Variants in CES1 observed in about 807,000 individuals in gnomAD.
CES1 encodes liver carboxylesterase 1.
A neutral mutation model predicts 53.0 loss-of-function variants in CES1; 50 were observed. The ratio of observed to expected loss-of-function variants is 0.94; its 90% CI spans 0.75 to 1.19. CES1 has a LOEUF of 1.19. CES1 is among the 50% of genes most tolerant of loss of function. The pLI, the probability that CES1 is intolerant of heterozygous loss-of-function variation, is 0.00. For missense variants in CES1, 534 were observed against 538.0 expected (o/e 0.99, Z 0.07); for synonymous variants, 202 against 210.1 (o/e 0.96, Z 0.33).
intron 8 of CES1, among the ~76,000 whole-genome samples, chr16:55,814,659 A>C (rs1217879391): frequency 3.3e-5 from 5 of 152,352 alleles, no homozygotes; most frequent in Non-Finnish European, 5.9e-5. Flanking sequence ...TCCTCTGTGG[A>C]ATCTTCCCAG....
At chr16:55,820,798 C>T (rs569841915) in intron 5 of CES1, among the ~76,000 whole-genome samples, 2 of 152,108 alleles carry the variant, frequency 1.3e-5, no homozygotes, top group East Asian at 1.9e-4. Flanking sequence ...TCCATCCCTC[C>T]TTCCTCTGCC....
intron 11 of CES1, among the ~76,000 whole-genome samples, chr16:55,809,093 C>T (rs374902707): frequency 6.9e-5 from 5 of 72,064 alleles, no homozygotes; most frequent in Admixed American, 1.8e-4. Context: ...GTAGTCCTGG[C>T]AAAAAAAAAA....
At chr16:55,810,306 A>T (rs1387374267) in intron 11 of CES1, among the ~76,000 whole-genome samples, 1 of 152,022 alleles carries the variant, frequency 6.6e-6, no homozygotes, top group African/African-American at 2.4e-5. Flanking sequence ...TCATCACCTT[A>T]AAAAAACCAC....
chr16:55,818,241 T>G (rs574499998), intron 7 of CES1, among the ~76,000 whole-genome samples: 58 of 152,328 alleles, frequency 3.8e-4, no homozygotes, highest in African/African-American at 1.3e-3. Context: ...GTCCTCCTGG[T>G]CTTCCCTGTG....
chr16:55,817,608 T>C (rs1212252798), intron 7 of CES1, among the ~76,000 whole-genome samples: 2 of 152,146 alleles, frequency 1.3e-5, no homozygotes, highest in Non-Finnish European at 2.9e-5. Context: ...ATGTAACCAG[T>C]GCAGGTCCCT....
At chr16:55,816,766 G>A (rs1208137716) in intron 8 of CES1, among the ~76,000 whole-genome samples, 158 bp downstream of exon 8, 1 of 152,188 alleles carries the variant, frequency 6.6e-6, no homozygotes, top group African/African-American at 2.4e-5. Context: ...CTTCCTGGCT[G>A]TGTTACCCAG....
intron 1 of CES1, among the ~76,000 whole-genome samples, chr16:55,832,600 A>T (rs2032726225): frequency 6.6e-6 from 1 of 152,202 alleles, no homozygotes. Context: ...CACAGCGAGG[A>T]AGCGCCCAGC....
chr16:55,813,092 C>T (rs369811458), intron 8 of CES1, 49 bp from the exon 9 acceptor site: 24 of 1,611,628 alleles, frequency 1.5e-5, no homozygotes, highest in East Asian at 6.7e-5. Flanking sequence ...TAGTCACACC[C>T]ATGTCCCCAA....
intron 1 of CES1, among the ~76,000 whole-genome samples, chr16:55,831,248 GC>G (rs2032657500): frequency 6.6e-6 from 1 of 152,146 alleles, no homozygotes; most frequent in Admixed American, 6.5e-5. Flanking sequence ...TGTCTTTGAA[GC>G]CCAGGGAGCA....
In CES1 at chr16:55,816,605, G is replaced by A. The variant is rs536296574; in HGVS notation, c.945+319C>T. Among the ~76,000 whole-genome samples the A allele has an allele frequency of 4.6e-5, 7 of 152,318 alleles. No individual in the cohort carries two copies. The East Asian group carries it at 7.7e-4, about 17-fold the overall frequency. On this transcript the variant is annotated intron_variant, in intron 8 of 13. Coordinates refer to ENST00000360526, the MANE Select transcript of CES1 (RefSeq NM_001025195.2). ...TTATCTCTGCCTCCTGATTGTGGAAGGTTCTGTTTCAGCCTCCTCCTACAG... is the reference window on the plus strand; with the variant it reads ...TTATCTCTGCCTCCTGATTGTGGAAAGTTCTGTTTCAGCCTCCTCCTACAG...
chr16:55,832,259 C>T (rs2032712865), intron 1 of CES1, among the ~76,000 whole-genome samples: 1 of 152,184 alleles, frequency 6.6e-6, no homozygotes, highest in Non-Finnish European at 1.5e-5. Context: ...CCTCCCCAGG[C>T]TCTGCTGCTT....
chr16:55,830,116 G>A (rs180732646), intron 1 of CES1, among the ~76,000 whole-genome samples: 99 of 152,334 alleles, frequency 6.5e-4, no homozygotes, highest in African/African-American at 2.3e-3. Context: ...AAAGTGTGGG[G>A]CTAGAGCAGA....
chr16:55,812,842 C>T, intron 9 of CES1, 61 bp downstream of exon 9: 1 of 1,609,756 alleles, frequency 6.2e-7, no homozygotes, highest in Non-Finnish European at 8.5e-7. Context: ...ATTCCTGGGA[C>T]CAGAGACAGG....
chr16:55,830,996 G>C (rs1451881576), intron 1 of CES1, among the ~76,000 whole-genome samples: 19 of 152,272 alleles, frequency 1.2e-4, no homozygotes, highest in South Asian at 2.1e-4. Context: ...GTGGAGATGT[G>C]AGTGGGATAT....
Position 55,821,418 on chromosome 16 carries a change from A to G in CES1, c.643T>C (p.Ser215Pro), listed in dbSNP as rs759880830. ...GCTGACTCTCCAAAGATGGTCACAGAGCCTGGGTTCCCTCCAAAGCTGGCA... is the reference window on the plus strand; with the variant it reads ...GCTGACTCTCCAAAGATGGTCACAGGGCCTGGGTTCCCTCCAAAGCTGGCA... ...NIASFGGNPGSVTIFGESAGG... is the reference protein window; with the variant it reads ...NIASFGGNPGPVTIFGESAGG... Residue 215 changes from serine (S) to proline (P), a missense_variant, in exon 5 of 14, where the codon TCT becomes CCT. This residue lies in a region of CES1 where 85 missense variants were observed against 81.9 expected (regional missense o/e 1.04). Coordinates refer to ENST00000360526, the MANE Select transcript of CES1 (RefSeq NM_001025195.2). The G allele has an allele frequency of 2.5e-6, 4 of 1,614,206 alleles. No homozygotes were observed. Among genetic ancestry groups the G allele is most frequent in the Middle Eastern group, 1.6e-4 (1 of 6,062 alleles).
chr16:55,809,834 T>C lies in CES1; in HGVS notation c.1318+683A>G, dbSNP rs28403554. On this transcript the variant is annotated intron_variant, in intron 11 of 13. Coordinates refer to ENST00000360526, the MANE Select transcript of CES1 (RefSeq NM_001025195.2). Reference sequence around the variant, plus strand: ...GCAGCTGGCTCAGACCTTAAAACCCTTCCACGACTCATCTTTCAATATTTG... The same window carrying C: ...GCAGCTGGCTCAGACCTTAAAACCCCTCCACGACTCATCTTTCAATATTTG... Among the ~76,000 whole-genome samples the C allele has an allele frequency of 7.2e-3, 1,098 of 152,308 alleles. 17 individuals carry two copies. The highest frequency in any genetic ancestry group is 0.025 in the African/African-American group (1,058 of 41,540).
Position 55,811,002 on chromosome 16 carries a change from C to T in CES1, c.1095G>A (p.Met365Ile), listed in dbSNP as rs747321428. ...EFGWLIPMQL[M>I]SYPLSEGQLD... Reference sequence around the variant, plus strand: ...GTTGCCCTTCGGAGAGTGGATAGCTCATCAACTGCTAAAAAAAAAAAAAAG... The same window carrying T: ...GTTGCCCTTCGGAGAGTGGATAGCTTATCAACTGCTAAAAAAAAAAAAAAG... Residue 365 changes from methionine (M) to isoleucine (I), a missense_variant, in exon 10 of 14, where the codon ATG (methionine) becomes ATA (isoleucine). Physicochemically the swap from Met to Ile is conservative, Grantham distance 10. Around this residue, in one of 5 missense-constraint regions of CES1, gnomAD observed 269 missense variants for 206.6 expected, o/e 1.30. Coordinates refer to ENST00000360526, the MANE Select transcript of CES1 (RefSeq NM_001025195.2). 2 of 1,576,784 alleles carry T rather than the reference C, an allele frequency of 1.3e-6. No homozygotes were observed. The highest frequency in any genetic ancestry group is 2.2e-5 in the East Asian group (1 of 44,606).
Position 55,810,655 on chromosome 16 carries a change from T to C in CES1, c.1180A>G (p.Lys394Glu). 1.9e-6 allele frequency: 3 copies of C among 1,614,162 alleles called. No individual in the cohort carries two copies. Among genetic ancestry groups the C allele is most frequent in the Non-Finnish European group, 2.5e-6 (3 of 1,180,016 alleles). ...WKSYPLVCIA[K>E]ELIPEATEKY... ...TCAGTGGCTTCTGGAATCAGTTCCT[T>C]AGCAATGCACTGAAATAGATCAAAA... Residue 394 changes from lysine (K) to glutamate (E), a missense_variant, in exon 11 of 14, where the codon AAG becomes GAG. Transcript: ENST00000360526.
intron 3 of CES1, among the ~76,000 whole-genome samples, chr16:55,825,579 C>T (rs1597087081): frequency 6.6e-6 from 1 of 152,242 alleles, no homozygotes; most frequent in African/African-American, 2.4e-5. Context: ...CCAGGCTCCG[C>T]CCCCAACATC....
Sources: allele counts gnomAD v4.1 joint callset (sites outside exome capture counted in the v4.1 genomes callset), GRCh38; gene constraint gnomAD v4.1.1; regional missense constraint gnomAD v4.1.1; transcripts MANE v1.5; gene names NCBI Gene and HGNC (gene_info 2026-07-23, HGNC 2026-07-21).